The following PCDHGA9 variants were observed in gnomAD, a reference collection of about 807,000 sequenced individuals.
PCDHGA9 encodes protocadherin gamma subfamily A, 9, also known as protocadherin gamma-A9.
PCDHGA9 carries 37 observed loss-of-function variants against 62.5 expected under a neutral mutation model. The observed-to-expected ratio is 0.59, with a 90% confidence interval of 0.46 to 0.78. The LOEUF (loss-of-function observed/expected upper bound fraction) is 0.78. Among genes scored for constraint, PCDHGA9 ranks in the 30% least tolerant of loss-of-function variants. PCDHGA9 has a pLI of 0.00. For synonymous variants in PCDHGA9, 459 were observed against 484.6 expected (o/e 0.95, Z 0.69); for missense variants, 1,138 against 1,166.2 (o/e 0.98, Z 0.35).
At chr5:141,507,558 G>A (rs573728108) in intron 3 of PCDHGA9, among the ~76,000 whole-genome samples, 57 of 152,346 alleles carry the variant, frequency 3.7e-4, no homozygotes, top group African/African-American at 1.3e-3. Context: ...AGTGGCAGGC[G>A]GCTGGGTCTG....
intron 1 of PCDHGA9, chr5:141,478,043 A>G (rs1399496347): frequency 7.4e-6 from 12 of 1,613,710 alleles, no homozygotes; most frequent in Non-Finnish European, 1.0e-5. Flanking sequence ...ACCCAGGCAG[A>G]CTCTCACGGT....
chr5:141,467,572 G>A (rs1351985954), intron 1 of PCDHGA9, among the ~76,000 whole-genome samples: 1 of 152,184 alleles, frequency 6.6e-6, no homozygotes, highest in African/African-American at 2.4e-5. Flanking sequence ...TGGCTATCCA[G>A]TTGTCCCAAT....
intron 3 of PCDHGA9, among the ~76,000 whole-genome samples, chr5:141,509,518 T>A (rs1441963133): frequency 6.6e-6 from 1 of 152,170 alleles, no homozygotes; most frequent in Non-Finnish European, 1.5e-5. Context: ...GTTGATGATG[T>A]ATTGCACAGG....
At chr5:141,430,771 G>A (rs772862341) in intron 1 of PCDHGA9, 37 of 1,506,734 alleles carry the variant, frequency 2.5e-5, no homozygotes, top group Non-Finnish European at 2.7e-5. Flanking sequence ...TGATTCCTGC[G>A]CGACTGCACC....
chr5:141,495,529 C>T (rs1466269939), intron 2 of PCDHGA9, among the ~76,000 whole-genome samples: 1 of 152,210 alleles, frequency 6.6e-6, no homozygotes, highest in African/African-American at 2.4e-5. Flanking sequence ...ACCTCTCAGT[C>T]CTTCCCTCAG....
intron 1 of PCDHGA9, chr5:141,427,892 C>A (rs752723370): frequency 9.9e-5 from 155 of 1,567,044 alleles, no homozygotes; most frequent in Non-Finnish European, 1.3e-4. Context: ...ACGACCAGGG[C>A]TCGCCCGCGC....
intron 1 of PCDHGA9, among the ~76,000 whole-genome samples, chr5:141,450,894 G>C (rs919860611): frequency 6.7e-6 from 1 of 148,956 alleles, no homozygotes; most frequent in Admixed American, 6.7e-5. Context: ...GTGCGATATC[G>C]GCTCACTGCA....
At chr5:141,483,555 C>CAG (rs1415499107) in intron 1 of PCDHGA9, among the ~76,000 whole-genome samples, 2 of 152,152 alleles carry the variant, frequency 1.3e-5, no homozygotes, top group African/African-American at 4.8e-5. Flanking sequence ...GTGCCATTCA[C>CAG]AGAGACAGTG....
intron 1 of PCDHGA9, chr5:141,439,998 G>A (rs2098143949): frequency 6.5e-6 from 1 of 153,152 alleles, no homozygotes; most frequent in Non-Finnish European, 1.5e-5. Context: ...TTGGTGGTGG[G>A]AAACCTTGCC....
chr5:141,498,976 G>A (rs1311505059), intron 2 of PCDHGA9, among the ~76,000 whole-genome samples: 1 of 13,010 alleles, frequency 7.7e-5, no homozygotes, highest in Non-Finnish European at 2.3e-4. Context: ...AGGGAGGGAA[G>A]GAAGGAAGGA....
At chr5:141,412,861 A>T (rs925106716) in intron 1 of PCDHGA9, 19 of 235,604 alleles carry the variant, frequency 8.1e-5, no homozygotes, top group African/African-American at 3.4e-4. Context: ...CAAAGAATCT[A>T]TGTAAAATAT....
chr5:141,465,505 G>C (rs905617997), intron 1 of PCDHGA9, among the ~76,000 whole-genome samples: 1 of 152,190 alleles, frequency 6.6e-6, no homozygotes, highest in Non-Finnish European at 1.5e-5. Context: ...CATTGTCGTG[G>C]TCAGGAAGGA....
At chr5:141,409,434 A>T in intron 1 of PCDHGA9, 2 of 1,613,992 alleles carry the variant, frequency 1.2e-6, no homozygotes, top group Non-Finnish European at 1.7e-6. Context: ...GGAGCCCTGG[A>T]CCGAGAGCAG....
Position 141,403,646 on chromosome 5 carries a change from G to A in PCDHGA9, c.694G>A (p.Val232Met). ...CAGCACAGTGCGCATCCATGTGACA[G>A]TGTTGGATACAAATGATAATGCCCC... Reference protein sequence around the residue: ...RSSTVRIHVTVLDTNDNAPVF... With the variant: ...RSSTVRIHVTMLDTNDNAPVF... The change falls in exon 1 of 4, where the codon GTG becomes ATG. Residue 232 changes from valine to methionine, a missense_variant. By Grantham distance (21) the Val-to-Met change is conservative. Coordinates refer to ENST00000573521, the MANE Select transcript of PCDHGA9 (RefSeq NM_018921.3). 1 of 1,613,950 alleles carries A rather than the reference G, an allele frequency of 6.2e-7. No individual in the cohort carries two copies. Among genetic ancestry groups the A allele is most frequent in the Non-Finnish European group, 8.5e-7 (1 of 1,179,900 alleles).
intron 1 of PCDHGA9, among the ~76,000 whole-genome samples, chr5:141,450,815 A>ATTATTAT (rs1554136868): frequency 7.9e-6 from 1 of 126,684 alleles, no homozygotes; most frequent in African/African-American, 3.3e-5. Context: ...TATTTATTTA[A>ATTATTAT]TATTATTATT....
Position 141,431,614 on chromosome 5 carries a change from C to G in PCDHGA9, c.2424+26238C>G. ...TGAGGTATTCCTTCCGGTATGTGGACGACAAGGCGGCCCAAGTTTTCAAAC... is the reference window on the plus strand; with the variant it reads ...TGAGGTATTCCTTCCGGTATGTGGAGGACAAGGCGGCCCAAGTTTTCAAAC... On this transcript the variant is annotated intron_variant, in intron 1 of 3. Coordinates refer to ENST00000573521, the MANE Select transcript of PCDHGA9 (RefSeq NM_018921.3). This position sits in a 1 kb window ranked among gnomAD's most constrained non-coding sequence, Gnocchi z 4.8. 6.2e-7 allele frequency: 1 copy of G among 1,614,206 alleles called. No homozygotes were observed. The highest frequency in any genetic ancestry group is 1.1e-5 in the South Asian group (1 of 91,092).
Position 141,489,084 on chromosome 5 carries a change from C to T in PCDHGA9, c.2425-5723C>T, listed in dbSNP as rs1232276875. On this transcript the variant is annotated intron_variant, in intron 1 of 3. Transcript: ENST00000573521. This position sits in a 1 kb window ranked among gnomAD's most constrained non-coding sequence, Gnocchi z 4.5. ...CTCCCCCCTGCCCACCCCCGCCACTCGGTGACTAAGAACTGCTGCAAGCAG... is the reference window on the plus strand; with the variant it reads ...CTCCCCCCTGCCCACCCCCGCCACTTGGTGACTAAGAACTGCTGCAAGCAG... The T allele has an allele frequency of 1.5e-5, 5 of 329,072 alleles. No homozygotes were observed. Among genetic ancestry groups the T allele is most frequent in the South Asian group, 1.3e-4 (2 of 15,846 alleles). The allele number at this position is 329,072 out of a possible 1,614,324, so 20.4% of individuals were successfully genotyped here. A position where few individuals can be genotyped will look rare whatever the true frequency, so the allele number is the denominator to read the frequency against.
chr5:141,506,471 C>T (rs2099854191), intron 3 of PCDHGA9, among the ~76,000 whole-genome samples: 2 of 148,834 alleles, frequency 1.3e-5, no homozygotes, highest in African/African-American at 5.0e-5. Flanking sequence ...AAAAAGAGCA[C>T]AGGCTTTAGA....
At chr5:141,422,850 G>T (rs184432819) in intron 1 of PCDHGA9, 7 of 1,614,086 alleles carry the variant, frequency 4.3e-6, no homozygotes, top group Non-Finnish European at 5.9e-6. Context: ...GCGGGGACCC[G>T]CCCCTCAGCA....
Sources: allele counts gnomAD v4.1 joint callset (sites outside exome capture counted in the v4.1 genomes callset), GRCh38; gene constraint gnomAD v4.1.1; non-coding constraint Gnocchi (gnomAD v3.1); transcripts MANE v1.5; gene names NCBI Gene and HGNC (gene_info 2026-07-23, HGNC 2026-07-21).